CDH13: variants seen among roughly 807,000 people sequenced by gnomAD.
CDH13 encodes cadherin 13.
A neutral mutation model predicts 63.8 loss-of-function variants in CDH13; 24 were observed. The observed-to-expected ratio is 0.38, with a 90% CI of 0.27 to 0.53. The LOEUF (loss-of-function observed/expected upper bound fraction) is 0.53. CDH13 is among the 20% of genes least tolerant of loss of function. CDH13 has a pLI of 0.85. For synonymous variants in CDH13, 503 were observed against 355.3 expected, an observed-to-expected ratio of 1.42 and a Z score of -4.67; for missense variants, 1,049 against 903.1, an observed-to-expected ratio of 1.16 and a Z score of -2.07.
chr16:82,647,673 C>A (rs1359085419), intron 1 of CDH13, among the ~76,000 whole-genome samples: 3 of 152,202 alleles, frequency 2.0e-5, no homozygotes, highest in African/African-American at 4.8e-5. Flanking sequence ...GATTTTGAGA[C>A]TACTGGACTA....
At chr16:83,328,265 T>C (rs2090410644) in intron 5 of CDH13, among the ~76,000 whole-genome samples, 1 of 152,230 alleles carries the variant, frequency 6.6e-6, no homozygotes, top group African/African-American at 2.4e-5. Flanking sequence ...CTCAGCTGTT[T>C]TCTAGTTCTC....
chr16:82,804,288 C>G (rs1326557575), intron 1 of CDH13, among the ~76,000 whole-genome samples: 1 of 141,128 alleles, frequency 7.1e-6, no homozygotes, highest in Non-Finnish European at 1.5e-5. Flanking sequence ...CACACACACA[C>G]ACACACACAC....
chr16:83,104,939 C>T (rs1397173048), intron 3 of CDH13, among the ~76,000 whole-genome samples: 3 of 152,224 alleles, frequency 2.0e-5, no homozygotes, highest in African/African-American at 7.2e-5. Flanking sequence ...TGCTCTGCAT[C>T]TTCTCCCTCT....
At chr16:82,728,219 C>T (rs543053442) in intron 1 of CDH13, among the ~76,000 whole-genome samples, 3 of 152,188 alleles carry the variant, frequency 2.0e-5, no homozygotes, top group African/African-American at 4.8e-5. Flanking sequence ...AGGGATCACA[C>T]TGCTTCTCAG....
chr16:82,963,512 T>C (rs1335873486), intron 2 of CDH13, among the ~76,000 whole-genome samples: 2 of 152,172 alleles, frequency 1.3e-5, no homozygotes, highest in Non-Finnish European at 2.9e-5. Context: ...CCCCTCTAAC[T>C]CCACTTTTTA....
At chr16:83,056,024 C>A (rs914658717) in intron 3 of CDH13, among the ~76,000 whole-genome samples, 2 of 151,966 alleles carry the variant, frequency 1.3e-5, no homozygotes, top group Non-Finnish European at 2.9e-5. Flanking sequence ...GGCAGAGAAC[C>A]CAACTAACAA....
At chr16:83,080,871 G>T (rs866393595) in intron 3 of CDH13, among the ~76,000 whole-genome samples, 83 of 46,888 alleles carry the variant, frequency 1.8e-3, no homozygotes, top group African/African-American at 3.2e-3. Context: ...TTGTTTTTGT[G>T]TTTTTTTTTT....
chr16:83,369,221 G>A (rs1017331053), intron 6 of CDH13, among the ~76,000 whole-genome samples: 3 of 151,246 alleles, frequency 2.0e-5, no homozygotes, highest in Non-Finnish European at 4.4e-5. Flanking sequence ...TAATAGATGC[G>A]GGGAAAAGGG....
chr16:82,645,582 C>G (rs1162149826), intron 1 of CDH13, among the ~76,000 whole-genome samples: 1 of 152,054 alleles, frequency 6.6e-6, no homozygotes, highest in African/African-American at 2.4e-5. Context: ...GTTATCCTGA[C>G]CCAAATACAG....
chr16:82,645,304 C>T (rs936123045), intron 1 of CDH13, among the ~76,000 whole-genome samples: 3 of 152,178 alleles, frequency 2.0e-5, no homozygotes, highest in Non-Finnish European at 4.4e-5. Flanking sequence ...GGGTTTTCAA[C>T]TCCATCCAGA....
chr16:83,185,674 A>C (rs1171074706), intron 4 of CDH13, among the ~76,000 whole-genome samples: 1 of 152,190 alleles, frequency 6.6e-6, no homozygotes, highest in African/African-American at 2.4e-5. Flanking sequence ...CTGTTGGTCC[A>C]ATTCATTTCT....
chr16:83,579,908 CACTTAA>C (rs1383647932), intron 7 of CDH13, among the ~76,000 whole-genome samples: 1 of 152,110 alleles, frequency 6.6e-6, no homozygotes, highest in Non-Finnish European at 1.5e-5. Flanking sequence ...TTTGAGCTGA[CACTTAA>C]ACTATGAGCA....
chr16:83,694,785 A>G (rs1468210588), intron 10 of CDH13, among the ~76,000 whole-genome samples: 1 of 151,836 alleles, frequency 6.6e-6, no homozygotes, highest in Non-Finnish European at 1.5e-5. Context: ...CTGCCCCAAT[A>G]CCTCCCTTTG....
chr16:83,469,536 C>T (rs1269509978), intron 6 of CDH13, among the ~76,000 whole-genome samples: 1 of 152,208 alleles, frequency 6.6e-6, no homozygotes, highest in Non-Finnish European at 1.5e-5. Context: ...CGGTGAGCCA[C>T]ATTTCCTGAT....
chr16:83,219,941 G>A (rs76489357), intron 5 of CDH13, among the ~76,000 whole-genome samples: 4,630 of 152,256 alleles, frequency 0.03, 115 homozygotes, highest in Non-Finnish European at 0.043. Flanking sequence ...GTTGTGCCTG[G>A]TTTGTAACAT....
intron 6 of CDH13, among the ~76,000 whole-genome samples, chr16:83,411,677 C>T (rs2092128027): frequency 6.6e-6 from 1 of 152,128 alleles, no homozygotes; most frequent in Non-Finnish European, 1.5e-5. Context: ...TCATGTAGTA[C>T]CTTTTGTTCT....
intron 4 of CDH13, among the ~76,000 whole-genome samples, chr16:83,171,119 G>T (rs769535459): frequency 1.3e-5 from 2 of 152,124 alleles, no homozygotes; most frequent in Non-Finnish European, 2.9e-5. Context: ...TGTGCAGGAA[G>T]CATGGTGGCT....
At chr16:83,092,451 A>T (rs2033964933) in intron 3 of CDH13, among the ~76,000 whole-genome samples, 1 of 152,202 alleles carries the variant, frequency 6.6e-6, no homozygotes, top group Non-Finnish European at 1.5e-5. Flanking sequence ...TGCCATCCTC[A>T]CCTTCATCTG....
intron 4 of CDH13, among the ~76,000 whole-genome samples, chr16:83,205,780 A>G (rs2039165124): frequency 6.6e-6 from 1 of 151,800 alleles, no homozygotes; most frequent in South Asian, 2.1e-4. Flanking sequence ...AATTTTTTAT[A>G]TTTTACTAGA....
Sources: gnomAD v4.1 joint callset for allele counts (sites outside exome capture counted in the v4.1 genomes callset) on GRCh38, gnomAD v4.1.1 for gene constraint, MANE v1.5 for transcripts, NCBI Gene and HGNC (gene_info 2026-07-23, HGNC 2026-07-21) for gene names.